SMC3: variants seen among roughly 807,000 people sequenced by gnomAD.
SMC3 encodes the protein structural maintenance of chromosomes protein 3.
SMC3 carries 20 observed loss-of-function variants against 171.8 expected under a neutral mutation model. The observed-to-expected ratio is 0.12, with a 90% confidence interval of 0.08 to 0.17. The LOEUF (loss-of-function observed/expected upper bound fraction) is 0.17, where lower values mean the gene tolerates loss of function less well. Ranked by LOEUF, SMC3 falls within the 10% of genes least tolerant of loss-of-function variation. The pLI, the probability that SMC3 is intolerant of heterozygous loss-of-function variation, is 1.00. For synonymous variants in SMC3, 464 were observed against 451.1 expected (o/e 1.03, Z -0.36); for missense variants, 543 against 1,420.4 (o/e 0.38, Z 9.93).
At chr10:110,594,992 TTA>T (rs1491046873) in intron 18 of SMC3, among the ~76,000 whole-genome samples, 2 of 140,438 alleles carry the variant, frequency 1.4e-5, no homozygotes, top group African/African-American at 5.9e-5. Context: ...TGTCTTCTCT[TTA>T]TTTTTTTTTT....
At chr10:110,569,604 C>A (rs1225046183) in intron 2 of SMC3, among the ~76,000 whole-genome samples, 1 of 152,034 alleles carries the variant, frequency 6.6e-6, no homozygotes, top group African/African-American at 2.4e-5. Context: ...GCATGTTGTG[C>A]ACATGTATCC....
intron 28 of SMC3, among the ~76,000 whole-genome samples, 173 bp downstream of exon 28, chr10:110,603,463 A>G (rs564782879): frequency 6.6e-6 from 1 of 152,314 alleles, no homozygotes; most frequent in Non-Finnish European, 1.5e-5. Flanking sequence ...GCAGTATTTT[A>G]TGGCGTTGCA....
chr10:110,589,517 CCCAT>C (rs1258437938), intron 13 of SMC3, 84 bp from the exon 14 acceptor site: 1 of 837,966 alleles, frequency 1.2e-6, no homozygotes, highest in East Asian at 2.6e-5. Flanking sequence ...GTCCGCCTCC[CCCAT>C]CCATCTGCAA....
chr10:110,604,094 C>CAA (rs57491050), intron 28 of SMC3, 137 bp from the exon 29 acceptor site: 31,115 of 219,264 alleles, frequency 0.14, 595 homozygotes, highest in African/African-American at 0.2. Context: ...GACTCCATCT[C>CAA]AAAAAAAAAA....
At chr10:110,595,878 C>T (rs1861291233) in intron 18 of SMC3, among the ~76,000 whole-genome samples, 1 of 145,282 alleles carries the variant, frequency 6.9e-6, no homozygotes, top group Non-Finnish European at 1.5e-5. Flanking sequence ...GTCTTCACTT[C>T]CTTCCCCTCT....
In SMC3 at chr10:110,602,805, C is replaced by T; in HGVS notation, c.3298-20C>T. ...GATTCTGCCCTTTAGGATATTAACT[C>T]ATAATATGTTTATTTTTAGGTGTCA... is the stretch of plus-strand genomic sequence containing the variant. On this transcript the variant is annotated intron_variant, in intron 26 of 28. Transcript: ENST00000361804. The T allele has an allele frequency of 6.2e-7, 1 of 1,608,072 alleles. No individual in the cohort carries two copies. Among genetic ancestry groups the T allele is most frequent in the Non-Finnish European group, 8.5e-7 (1 of 1,174,636 alleles).
chr10:110,591,839 T>C (rs1861209273), intron 17 of SMC3, among the ~76,000 whole-genome samples: 1 of 152,226 alleles, frequency 6.6e-6, no homozygotes, highest in African/African-American at 2.4e-5. Context: ...TCTGACTTTT[T>C]CTGCTATCAC....
rs1861446839 is a variant in SMC3, at chr10:110,604,991, T to C, written c.*689T>C. On this transcript the variant is annotated 3_prime_UTR_variant, in exon 29 of 29. Transcript: ENST00000361804. ...CTAGTCTGTGACAATTTCTCTGTCA[T>C]TGTTTATCATATCTTGACAATTTTG... Among the ~76,000 whole-genome samples the C allele has an allele frequency of 6.6e-6, 1 of 152,226 alleles. No homozygotes were observed. Among genetic ancestry groups the C allele is most frequent in the Non-Finnish European group, 1.5e-5 (1 of 68,026 alleles).
intron 8 of SMC3, 36 bp from the exon 9 acceptor site, chr10:110,581,887 T>C (rs1409674697): frequency 1.3e-5 from 20 of 1,548,624 alleles, no homozygotes; most frequent in Non-Finnish European, 1.6e-5. Context: ...AAAAATCTTA[T>C]TCAATTCTTC....
Position 110,589,720 on chromosome 10 carries a change from C to G in SMC3, c.1409+12C>G. ...CAAAGTGAAAGAAAGTTAGTATAGA[C>G]TAAAATGTGCATTAATGTTTTCAGT... is the stretch of plus-strand genomic sequence containing the variant. On this transcript the variant is annotated intron_variant, in intron 14 of 28. Coordinates refer to ENST00000361804, the MANE Select transcript of SMC3 (RefSeq NM_005445.4). The G allele has an allele frequency of 6.6e-7, 1 of 1,511,824 alleles. No individual in the cohort carries two copies. The highest frequency in any genetic ancestry group is 2.3e-5 in the East Asian group (1 of 44,356). The allele number at this position is 1,511,824 out of a possible 1,614,324, so 93.7% of individuals were successfully genotyped here. A position where few individuals can be genotyped will look rare whatever the true frequency, so the allele number is the denominator to read the frequency against.
chr10:110,598,050 G>A, intron 19 of SMC3, 89 bp from the exon 20 acceptor site: 1 of 1,213,424 alleles, frequency 8.2e-7, no homozygotes, highest in Admixed American at 1.9e-5. Flanking sequence ...GTAAAGAAAA[G>A]GAAGGGATAC....
At chr10:110,579,531 C>T (rs553256481) in intron 7 of SMC3, among the ~76,000 whole-genome samples, 19 of 152,174 alleles carry the variant, frequency 1.2e-4, no homozygotes, top group African/African-American at 4.1e-4. Flanking sequence ...AAAGCATTGC[C>T]GTCCCCTCAA....
At chr10:110,584,513 A>G in intron 13 of SMC3, 117 bp downstream of exon 13, 1 of 705,038 alleles carries the variant, frequency 1.4e-6, no homozygotes, top group Non-Finnish European at 2.4e-6. Flanking sequence ...AAAATATATG[A>G]CAGATACTTA....
At chr10:110,587,300 C>G (rs1861135710) in intron 13 of SMC3, among the ~76,000 whole-genome samples, 1 of 152,166 alleles carries the variant, frequency 6.6e-6, no homozygotes, top group South Asian at 2.1e-4. Flanking sequence ...TACTTTATTA[C>G]TGGTTCTGAG....
intron 4 of SMC3, among the ~76,000 whole-genome samples, chr10:110,576,628 T>C (rs1271093401): frequency 6.6e-6 from 1 of 152,232 alleles, no homozygotes; most frequent in African/African-American, 2.4e-5. Flanking sequence ...GAAATTGTTT[T>C]GTTTAGCTCT....
intron 2 of SMC3, among the ~76,000 whole-genome samples, chr10:110,571,123 A>G (rs920762689): frequency 6.6e-6 from 1 of 152,244 alleles, no homozygotes; most frequent in Non-Finnish European, 1.5e-5. Context: ...GAAAATTAAG[A>G]TAAACTATAA....
At chr10:110,591,220 T>A in intron 17 of SMC3, 88 bp downstream of exon 17, 2 of 1,229,460 alleles carry the variant, frequency 1.6e-6, no homozygotes, top group Non-Finnish European at 2.4e-6. Context: ...CCAGGCACTA[T>A]ACACTGGGAT....
intron 2 of SMC3, among the ~76,000 whole-genome samples, chr10:110,573,239 T>C (rs1263260339): frequency 6.6e-6 from 1 of 152,192 alleles, no homozygotes; most frequent in Non-Finnish European, 1.5e-5. Flanking sequence ...TTAAAATTAT[T>C]TATATTTTTG....
intron 20 of SMC3, among the ~76,000 whole-genome samples, chr10:110,599,415 G>A (rs1328569159): frequency 6.6e-6 from 1 of 152,110 alleles, no homozygotes; most frequent in East Asian, 1.9e-4. Context: ...CTTATAATAT[G>A]CCTGAAGATT....
Sources: allele counts gnomAD v4.1 joint callset (sites outside exome capture counted in the v4.1 genomes callset), GRCh38; gene constraint gnomAD v4.1.1; transcripts MANE v1.5; gene names NCBI Gene and HGNC (gene_info 2026-07-23, HGNC 2026-07-21).